CCDC27: variants seen among roughly 807,000 people sequenced by gnomAD.
CCDC27 encodes the protein coiled-coil domain containing 27, also known as coiled-coil domain-containing protein 27.
CCDC27 carries 80 observed loss-of-function variants against 80.3 expected under a neutral mutation model. The observed-to-expected ratio is 1.00, with a 90% CI of 0.83 to 1.20. CCDC27 has a LOEUF of 1.20. CCDC27 is among the 50% of genes most tolerant of loss of function. CCDC27 has a pLI of 0.00. For synonymous variants in CCDC27, 342 were observed against 334.3 expected, an observed-to-expected ratio of 1.02 and a Z score of -0.25; for missense variants, 815 against 809.4, an observed-to-expected ratio of 1.01 and a Z score of -0.08.
chr1:3,762,535 T>C, intron 5 of CCDC27, 85 bp from the exon 6 acceptor site: 1 of 1,076,822 alleles, frequency 9.3e-7, no homozygotes, highest in Admixed American at 2.3e-5. Flanking sequence ...GAGAGGCCGC[T>C]GTCCCTTCTA....
chr1:3,771,616 T>A lies in CCDC27; in HGVS notation c.*93T>A. The A allele has an allele frequency of 1.4e-6, 2 of 1,423,386 alleles. No individual in the cohort carries two copies. The highest frequency in any genetic ancestry group is 1.9e-6 in the Non-Finnish European group (2 of 1,040,698). The allele number at this position is 1,423,386 out of a possible 1,614,324, so 88.2% of individuals were successfully genotyped here. ...CCCACCATGCGTCCTGCTCTCAGAC[T>A]CAGAATTAAACCCCGGTGTTGGCAC... On this transcript the variant is annotated 3_prime_UTR_variant, in exon 12 of 12. Coordinates refer to ENST00000294600, the MANE Select transcript of CCDC27 (RefSeq NM_152492.3).
chr1:3,767,509 TGCCCACC>T, intron 10 of CCDC27, 64 bp downstream of exon 10: 2 of 1,429,600 alleles, frequency 1.4e-6, no homozygotes, highest in Non-Finnish European at 1.9e-6. Flanking sequence ...CCCAGGCCTC[TGCCCACC>T]GCCCACCGAG....
In CCDC27 at chr1:3,766,553, G is replaced by A; in HGVS notation, c.1471G>A (p.Asp491Asn). Residue 491 changes from aspartate to asparagine, a missense_variant, in exon 9 of 12, where the codon GAT (aspartate) becomes AAT (asparagine). Coordinates refer to ENST00000294600, the MANE Select transcript of CCDC27 (RefSeq NM_152492.3). The surrounding 1 kb of genome is among the most constrained non-coding windows in gnomAD (Gnocchi z 6.1). ...CTTCCAGTTCTCCAACCTCCGAGAA[G>A]ATAAGAAACACCAAGAGATGATGGG... The part of the protein sequence containing the change: ...MTDKFSNLRE[D>N]KKHQEMMGLI... The A allele has an allele frequency of 6.2e-7, 1 of 1,613,888 alleles. No homozygotes were observed. Among genetic ancestry groups the A allele is most frequent in the Non-Finnish European group, 8.5e-7 (1 of 1,179,938 alleles).
At chr1:3,755,340 TA>T in intron 2 of CCDC27, 116 bp from the exon 3 acceptor site, 12 of 857,420 alleles carry the variant, frequency 1.4e-5, no homozygotes, top group Non-Finnish European at 1.7e-5. Context: ...ATGCATCCAT[TA>T]AAAAAAGCCA....
intron 5 of CCDC27, among the ~76,000 whole-genome samples, chr1:3,762,170 A>G (rs1206877801): frequency 6.6e-6 from 1 of 152,176 alleles, no homozygotes; most frequent in Non-Finnish European, 1.5e-5. Context: ...ACCAGGGGGA[A>G]GGCCCCTGAC....
chr1:3,767,712 T>G (rs1643266897), intron 10 of CCDC27, among the ~76,000 whole-genome samples: 1 of 152,072 alleles, frequency 6.6e-6, no homozygotes, highest in South Asian at 2.1e-4. Flanking sequence ...GGGTCTTGGG[T>G]TGCATTGTGA....
At chr1:3,754,071 A>G in intron 1 of CCDC27, 47 bp from the exon 2 acceptor site, 1 of 1,601,652 alleles carries the variant, frequency 6.2e-7, no homozygotes, top group Non-Finnish European at 8.5e-7. Flanking sequence ...GGGCTGGCCT[A>G]CAGTCAGGGG....
Position 3,761,439 on chromosome 1 carries a change from G to A in CCDC27, c.861+9G>A. The stretch of plus-strand genomic sequence containing the variant: ...TGTCCCCAGGCAGGAGGGTGAGCCA[G>A]CCCCAGCGGGGCACAGCGCAGAGCT... On this transcript the variant is annotated intron_variant, in intron 5 of 11. Transcript: ENST00000294600. The surrounding 1 kb of genome is among the most constrained non-coding windows in gnomAD (Gnocchi z 5.0). The A allele has an allele frequency of 6.2e-7, 1 of 1,613,066 alleles. No individual in the cohort carries two copies. The highest frequency in any genetic ancestry group is 8.5e-7 in the Non-Finnish European group (1 of 1,179,762).
intron 9 of CCDC27, 114 bp from the exon 10 acceptor site, chr1:3,767,119 G>A (rs757205656): frequency 3.8e-5 from 34 of 885,348 alleles, no homozygotes; most frequent in Non-Finnish European, 5.4e-5. Context: ...GATTACAGGC[G>A]TGAGCCACTG....
chr1:3,756,944 G>A, intron 4 of CCDC27, 54 bp downstream of exon 4: 1 of 1,565,844 alleles, frequency 6.4e-7, no homozygotes, highest in Non-Finnish European at 8.7e-7. Context: ...TCTGCGTCCG[G>A]CTGGGAGGAC....
At chr1:3,771,312 C>G (rs1036061053) in intron 11 of CCDC27, 89 bp from the exon 12 acceptor site, 6 of 1,555,240 alleles carry the variant, frequency 3.9e-6, no homozygotes, top group Admixed American at 1.7e-5. Flanking sequence ...GGTGGCGTCC[C>G]GGGCAGCTGG....
At chr1:3,770,091 C>T (rs1570724057) in intron 11 of CCDC27, among the ~76,000 whole-genome samples, 1 of 152,096 alleles carries the variant, frequency 6.6e-6, no homozygotes, top group Non-Finnish European at 1.5e-5. Flanking sequence ...GGGCATGGCA[C>T]GGGAGTCTTA....
In CCDC27 at chr1:3,763,534, T is replaced by C; in HGVS notation, c.1321+60T>C. The C allele has an allele frequency of 6.5e-7, 1 of 1,548,736 alleles. No homozygotes were observed. Among genetic ancestry groups the C allele is most frequent in the Non-Finnish European group, 8.7e-7 (1 of 1,147,004 alleles). The stretch of plus-strand genomic sequence containing the variant: ...ACTCAGTGGTTCCCGGCCCAGGAGC[T>C]GGGACGCCCAGACGCTGCCTGCTCT... On this transcript the variant is annotated intron_variant, in intron 7 of 11. Transcript: ENST00000294600. This position sits in a 1 kb window ranked among gnomAD's most constrained non-coding sequence, Gnocchi z 7.5.
intron 6 of CCDC27, 153 bp downstream of exon 6, chr1:3,762,865 C>A (rs1217114514): frequency 6.1e-6 from 5 of 815,628 alleles, no homozygotes; most frequent in Non-Finnish European, 9.4e-6. Context: ...GTGGGTGGGT[C>A]GTTAGCCCCC....
chr1:3,754,755 G>A (rs529735924), intron 2 of CCDC27, among the ~76,000 whole-genome samples: 2 of 150,340 alleles, frequency 1.3e-5, no homozygotes, highest in African/African-American at 2.5e-5. Flanking sequence ...TCTGCTCCTG[G>A]ACCTGGACTG....
At position 3,763,765 on chromosome 1, in the gene CCDC27, A is replaced by G. The variant is rs1205407606; in HGVS notation, c.1381A>G (p.Asn461Asp). 12 of 1,614,144 alleles carry G rather than the reference A, an allele frequency of 7.4e-6. No individual in the cohort carries two copies. The highest frequency in any genetic ancestry group is 1.0e-5 in the Non-Finnish European group (12 of 1,179,992). The change falls in exon 8 of 12, where the codon AAT (asparagine) becomes GAT (aspartate). Residue 461 changes from asparagine to aspartate, a missense_variant. Transcript: ENST00000294600. The surrounding 1 kb of genome is among the most constrained non-coding windows in gnomAD (Gnocchi z 7.5). ...DFQETQLRKI[N>D]TENETLQKEL... ...CCAAGAAACCCAGCTGCGAAAGATC[A>G]ATACGGAAAATGAGACGCTGCAGAA...
rs1216389286 is a variant in CCDC27 at position 3,760,950 on chromosome 1, G to C, written c.712-331G>C. On this transcript the variant is annotated intron_variant, in intron 4 of 11. Coordinates refer to ENST00000294600, the MANE Select transcript of CCDC27 (RefSeq NM_152492.3). This position sits in a 1 kb window ranked among gnomAD's most constrained non-coding sequence, Gnocchi z 4.3. ...CTGCAAAGAAGACTGGTGTCCTGTG[G>C]TATAGTGGGGTGCAGGGACACACCA... Among the ~76,000 whole-genome samples the C allele has an allele frequency of 2.0e-5, 3 of 152,172 alleles. No individual in the cohort carries two copies. The highest frequency in any genetic ancestry group is 7.2e-5 in the African/African-American group (3 of 41,436).
chr1:3,759,861 T>A (rs1000863397), intron 4 of CCDC27, among the ~76,000 whole-genome samples: 4 of 152,214 alleles, frequency 2.6e-5, no homozygotes, highest in African/African-American at 9.7e-5. Context: ...CAGGCAGATA[T>A]GCTGTTGTTA....
rs889530372 is a variant in CCDC27, at chr1:3,771,627, C to T, written c.*104C>T. 24 of 1,324,620 alleles carry T rather than the reference C, an allele frequency of 1.8e-5. No homozygotes were observed. Among genetic ancestry groups the T allele is most frequent in the Non-Finnish European group, 2.5e-5 (24 of 959,540 alleles). 82.1% of individuals were successfully genotyped at this position (1,324,620 alleles called of 1,614,324 possible). A position where few individuals can be genotyped will look rare whatever the true frequency, so the allele number is the denominator to read the frequency against. Reference sequence around the variant, plus strand: ...TCCTGCTCTCAGACTCAGAATTAAACCCCGGTGTTGGCACTGTCCCACCTT... The same window carrying T: ...TCCTGCTCTCAGACTCAGAATTAAATCCCGGTGTTGGCACTGTCCCACCTT... On this transcript the variant is annotated 3_prime_UTR_variant, in exon 12 of 12. Transcript: ENST00000294600.
Sources: allele counts gnomAD v4.1 joint callset (sites outside exome capture counted in the v4.1 genomes callset), GRCh38; gene constraint gnomAD v4.1.1; non-coding constraint Gnocchi (gnomAD v3.1); transcripts MANE v1.5; gene names NCBI Gene and HGNC (gene_info 2026-07-23, HGNC 2026-07-21).